The following TENM3 variants were observed in gnomAD, a reference collection of about 807,000 sequenced individuals.
TENM3 encodes teneurin transmembrane protein 3.
A neutral mutation model predicts 255.1 loss-of-function variants in TENM3; 63 were observed. The ratio of observed to expected loss-of-function variants is 0.25; its 90% CI spans 0.20 to 0.30. The LOEUF (loss-of-function observed/expected upper bound fraction) is 0.30. TENM3 is among the 10% of genes least tolerant of loss of function. The probability of loss-of-function intolerance (pLI) is 1.00; values close to 1 mark genes in which losing one functional copy is unlikely to be tolerated. For missense variants in TENM3, 2,929 were observed against 3,461.1 expected (o/e 0.85, Z 3.86); for synonymous variants, 1,306 against 1,322.3 (o/e 0.99, Z 0.27).
At chr4:181,608,505 C>G in the TENM3 span, among the ~76,000 whole-genome samples, 1 of 151,468 alleles carries the variant, frequency 6.6e-6, no homozygotes, top group South Asian at 2.1e-4. Context: ...GTAACTGTGT[C>G]ATATGAGAAA....
At chr4:182,497,804 T>C (rs998666901) in intron 3 of TENM3, among the ~76,000 whole-genome samples, 34 of 149,738 alleles carry the variant, frequency 2.3e-4, no homozygotes, top group Admixed American at 1.7e-3. Context: ...AGACACGTGA[T>C]GTATATATAT....
chr4:181,536,521 G>A, the TENM3 span, among the ~76,000 whole-genome samples: 2 of 152,318 alleles, frequency 1.3e-5, no homozygotes, highest in African/African-American at 2.4e-5. Context: ...ATATAAAAAG[G>A]CACTGTATCC....
chr4:182,706,728 G>T (rs527352230), intron 12 of TENM3, among the ~76,000 whole-genome samples: 1 of 152,270 alleles, frequency 6.6e-6, no homozygotes, highest in East Asian at 1.9e-4. Context: ...TTGGGAGGCT[G>T]AGGCAGTTGG....
intron 8 of TENM3, 102 bp from the exon 9 acceptor site, chr4:182,680,146 C>T: frequency 1.1e-6 from 1 of 882,502 alleles, no homozygotes; most frequent in South Asian, 1.5e-5. Flanking sequence ...CTTTGCTTTA[C>T]TACTCAAATT....
intron 4 of TENM3, among the ~76,000 whole-genome samples, chr4:182,623,799 T>C (rs1384185940): frequency 6.6e-6 from 1 of 152,106 alleles, no homozygotes; most frequent in Non-Finnish European, 1.5e-5. Flanking sequence ...TTCCTAATCC[T>C]CCTGATATTG....
intron 3 of TENM3, among the ~76,000 whole-genome samples, chr4:182,410,844 G>GA (rs1185110629): frequency 6.6e-6 from 1 of 152,032 alleles, no homozygotes; most frequent in African/African-American, 2.4e-5. Context: ...GTGAGAGCTG[G>GA]AAAAAAATGT....
chr4:181,769,109 A>G, the TENM3 span, among the ~76,000 whole-genome samples: 4 of 152,206 alleles, frequency 2.6e-5, no homozygotes, highest in African/African-American at 9.6e-5. Flanking sequence ...TTTATAGGGT[A>G]GCCACGATTT....
chr4:182,724,716 A>G (rs1760028158), intron 13 of TENM3, among the ~76,000 whole-genome samples: 2 of 152,220 alleles, frequency 1.3e-5, no homozygotes, highest in African/African-American at 4.8e-5. Flanking sequence ...AAGGGAAGAC[A>G]CTGGCAGCAT....
At chr4:182,616,519 TA>T (rs1354968302) in intron 4 of TENM3, among the ~76,000 whole-genome samples, 2 of 5,726 alleles carry the variant, frequency 3.5e-4, no homozygotes, top group African/African-American at 1.1e-3. Flanking sequence ...ACTTAAAGTA[TA>T]ATAAAAAAAA....
the TENM3 span, among the ~76,000 whole-genome samples, chr4:181,807,303 A>T: frequency 6.6e-6 from 1 of 152,218 alleles, no homozygotes; most frequent in Non-Finnish European, 1.5e-5. Context: ...AAAAGAAATA[A>T]CGTATTAAAT....
intron 1 of TENM3, among the ~76,000 whole-genome samples, chr4:182,314,974 G>A (rs528125041): frequency 7.4e-4 from 113 of 152,218 alleles, no homozygotes; most frequent in Non-Finnish European, 1.4e-3. Context: ...CCTGTTTAGG[G>A]TTTAAACTGT....
chr4:182,487,929 C>G (rs1734916175), intron 3 of TENM3, among the ~76,000 whole-genome samples: 1 of 151,962 alleles, frequency 6.6e-6, no homozygotes, highest in South Asian at 2.1e-4. Flanking sequence ...AACAGGAATT[C>G]TAGAATATGG....
the TENM3 span, among the ~76,000 whole-genome samples, chr4:182,006,051 C>A: frequency 6.6e-6 from 1 of 152,088 alleles, no homozygotes; most frequent in African/African-American, 2.4e-5. Context: ...ATTTGAATAT[C>A]CTTTATTTCT....
chr4:182,072,788 C>T, the TENM3 span, among the ~76,000 whole-genome samples: 7 of 152,226 alleles, frequency 4.6e-5, no homozygotes, highest in East Asian at 5.8e-4. Flanking sequence ...CATTTTCCTC[C>T]ATCTCATCTT....
intron 5 of TENM3, among the ~76,000 whole-genome samples, chr4:182,650,733 T>G (rs1561055654): frequency 7.2e-6 from 1 of 138,776 alleles, no homozygotes; most frequent in African/African-American, 2.5e-5. Flanking sequence ...ACACCAACAA[T>G]TTCAAAGTAG....
At chr4:182,156,927 G>A (rs528890964) in intron 1 of TENM3, among the ~76,000 whole-genome samples, 2 of 152,278 alleles carry the variant, frequency 1.3e-5, no homozygotes, top group South Asian at 4.1e-4. Flanking sequence ...TCTAGTTGAG[G>A]CATGATATAA....
At chr4:181,522,122 A>AG in the TENM3 span, among the ~76,000 whole-genome samples, 1 of 150,426 alleles carries the variant, frequency 6.6e-6, no homozygotes, top group Non-Finnish European at 1.5e-5. Flanking sequence ...AAAAAAAAAA[A>AG]AAAAAAAAGA....
the TENM3 span, among the ~76,000 whole-genome samples, chr4:181,938,838 A>G: frequency 6.6e-6 from 1 of 152,228 alleles, no homozygotes; most frequent in Non-Finnish European, 1.5e-5. Flanking sequence ...ACCCAGAATA[A>G]AAGACTCTTT....
At chr4:181,716,601 C>G in the TENM3 span, among the ~76,000 whole-genome samples, 1 of 152,248 alleles carries the variant, frequency 6.6e-6, no homozygotes, top group African/African-American at 2.4e-5. Context: ...TTCTTAACTT[C>G]TCTGTGCCTT....
Sources: allele counts gnomAD v4.1 joint callset (sites outside exome capture counted in the v4.1 genomes callset), GRCh38; gene constraint gnomAD v4.1.1; transcripts MANE v1.5; gene names NCBI Gene and HGNC (gene_info 2026-07-23, HGNC 2026-07-21).